Variants in TAOK1 observed in about 807,000 individuals in gnomAD.
The protein encoded by TAOK1 is serine/threonine-protein kinase TAO1.
Under a neutral mutation model 138.3 loss-of-function variants are expected in TAOK1, and 21 were observed. That is an observed-to-expected ratio of 0.15 (90% CI 0.11 to 0.22). The LOEUF (loss-of-function observed/expected upper bound fraction) is 0.22, where lower values mean the gene tolerates loss of function less well. Ranked by LOEUF, TAOK1 falls within the 10% of genes least tolerant of loss-of-function variation. The pLI is 1.00. For synonymous variants in TAOK1, 361 were observed against 398.4 expected (o/e 0.91, Z 1.12); for missense variants, 651 against 1,227.7 (o/e 0.53, Z 7.02).
chr17:29,397,703 A>G (rs1417295855), intron 1 of TAOK1, among the ~76,000 whole-genome samples: 1 of 47,372 alleles, frequency 2.1e-5, no homozygotes, highest in African/African-American at 1.7e-4. Flanking sequence ...TCATGTATGC[A>G]TACATGAATA....
chr17:29,518,590 G>A (rs918564230), intron 16 of TAOK1, among the ~76,000 whole-genome samples: 3 of 152,164 alleles, frequency 2.0e-5, no homozygotes, highest in African/African-American at 7.2e-5. Flanking sequence ...GGGTAGGGAG[G>A]TTGTTCCTGA....
At chr17:29,480,329 A>G (rs760000002) in intron 6 of TAOK1, 39 bp from the exon 7 acceptor site, 3 of 1,438,540 alleles carry the variant, frequency 2.1e-6, no homozygotes, top group Admixed American at 1.8e-5. Context: ...TAATCTATTG[A>G]GGGAAAGTTA....
intron 1 of TAOK1, among the ~76,000 whole-genome samples, chr17:29,441,629 CG>C (rs1263224289): frequency 6.6e-6 from 1 of 152,112 alleles, no homozygotes; most frequent in Non-Finnish European, 1.5e-5. Flanking sequence ...TGGCCAGACA[CG>C]GTGGCTCACA....
intron 19 of TAOK1, among the ~76,000 whole-genome samples, chr17:29,534,669 G>A (rs1395049867): frequency 3.9e-5 from 6 of 152,184 alleles, no homozygotes; most frequent in Non-Finnish European, 1.5e-5. Context: ...AAGAAAGAGA[G>A]CTGCATTAAT....
At chr17:29,395,824 ATTT>A (rs1187461666) in intron 1 of TAOK1, among the ~76,000 whole-genome samples, 1 of 72,102 alleles carries the variant, frequency 1.4e-5, no homozygotes, top group African/African-American at 6.4e-5. Context: ...CGTCTGGCTA[ATTT>A]TTTTTTTTTT....
At chr17:29,528,986 T>A (rs1339181483) in intron 17 of TAOK1, among the ~76,000 whole-genome samples, 3 of 149,758 alleles carry the variant, frequency 2.0e-5, no homozygotes, top group Non-Finnish European at 3.0e-5. Flanking sequence ...TTTTTTTTTT[T>A]AAGAGACCAG....
intron 16 of TAOK1, among the ~76,000 whole-genome samples, chr17:29,520,775 C>T (rs539594404): frequency 1.3e-5 from 2 of 151,538 alleles, no homozygotes; most frequent in African/African-American, 4.8e-5. Flanking sequence ...CCTGTAATCC[C>T]AGCACTTTGG....
At chr17:29,472,064 A>AC (rs1470522714) in intron 3 of TAOK1, among the ~76,000 whole-genome samples, 1 of 151,974 alleles carries the variant, frequency 6.6e-6, no homozygotes, top group Admixed American at 6.6e-5. Context: ...GAAATATTGA[A>AC]CCCCCCAAAG....
chr17:29,494,581 C>G (rs1026022423), intron 10 of TAOK1, among the ~76,000 whole-genome samples: 5 of 152,118 alleles, frequency 3.3e-5, no homozygotes. Flanking sequence ...AATCCCAGCA[C>G]TTTGGGAGGG....
At chr17:29,526,582 T>A (rs1042680550) in intron 17 of TAOK1, among the ~76,000 whole-genome samples, 7 of 151,842 alleles carry the variant, frequency 4.6e-5, no homozygotes, top group Non-Finnish European at 2.9e-5. Flanking sequence ...CCTGGCTGAT[T>A]TTTGTATATT....
Position 29,408,783 on chromosome 17 carries a change from G to A in TAOK1, c.-95+17759G>A, listed in dbSNP as rs547410386. On this transcript the variant is annotated intron_variant, in intron 1 of 19. Transcript: ENST00000261716. ...GCTGGAATGCAGTGGCACAGTCTTCGCTCACTGCAACCTCCACCTCCTGGG... is the reference window on the plus strand; with the variant it reads ...GCTGGAATGCAGTGGCACAGTCTTCACTCACTGCAACCTCCACCTCCTGGG... Among the ~76,000 whole-genome samples, 11 of 151,582 alleles carry A rather than the reference G, an allele frequency of 7.3e-5. No homozygotes were observed. In the East Asian group the frequency reaches 1.2e-3, roughly 16 times the overall value.
rs1161179790 is a variant in TAOK1, at chr17:29,547,565, TTAAGGTATA to T, written c.*4548_*4556del. On this transcript the variant is annotated 3_prime_UTR_variant, in exon 20 of 20. Coordinates refer to ENST00000261716, the MANE Select transcript of TAOK1 (RefSeq NM_020791.4). ...GTATTCAAATCAAAAAATAATATAT[TTAAGGTATA>T]TAAGTGTGAATCTCCTATAATGATG... 1 of 152,074 alleles carries T rather than the reference TTAAGGTATA, an allele frequency of 6.6e-6. No individual in the cohort carries two copies. The highest frequency in any genetic ancestry group is 6.6e-5 in the Admixed American group (1 of 15,250). The allele number at this position is 152,074 out of a possible 1,614,324, so 9.4% of individuals were successfully genotyped here. A position where few individuals can be genotyped will look rare whatever the true frequency, so the allele number is the denominator to read the frequency against.
chr17:29,421,461 A>G (rs1035308948), intron 1 of TAOK1, among the ~76,000 whole-genome samples: 3 of 152,182 alleles, frequency 2.0e-5, no homozygotes, highest in Non-Finnish European at 2.9e-5. Flanking sequence ...AAATGTTTAT[A>G]TGCTGGAAGA....
intron 1 of TAOK1, among the ~76,000 whole-genome samples, chr17:29,407,242 C>T (rs1218465917): frequency 6.6e-6 from 1 of 152,110 alleles, no homozygotes; most frequent in East Asian, 1.9e-4. Flanking sequence ...CTGCTTTGGC[C>T]TCCCAAAGTG....
chr17:29,550,609 A>G lies in TAOK1; in HGVS notation c.*7587A>G, dbSNP rs2032473689. ...GTGAAGATTTAAAAACAAACTTGAG[A>G]TTTTTAACGTAACTATTAACACAGT... On this transcript the variant is annotated 3_prime_UTR_variant, in exon 20 of 20. Transcript: ENST00000261716. 6.6e-6 allele frequency: 1 copy of G among 152,240 alleles called. No individual in the cohort carries two copies. Among genetic ancestry groups the G allele is most frequent in the South Asian group, 2.1e-4 (1 of 4,838 alleles). The allele number at this position is 152,240 out of a possible 1,614,324, so 9.4% of individuals were successfully genotyped here.
intron 4 of TAOK1, 145 bp from the exon 5 acceptor site, chr17:29,477,516 T>A (rs2030971606): frequency 3.6e-6 from 1 of 277,460 alleles, no homozygotes; most frequent in Admixed American, 5.4e-5. Flanking sequence ...GTAATATCTA[T>A]ATAACTATTT....
chr17:29,417,055 CCAGGCGGGAGTG>C (rs552618526), intron 1 of TAOK1, among the ~76,000 whole-genome samples: 19 of 152,132 alleles, frequency 1.2e-4, no homozygotes, highest in African/African-American at 3.6e-4. Context: ...ACTCTGTCGT[CCAGGCGGGAGTG>C]CAGTGGCACT....
chr17:29,415,593 A>T (rs1195820257), intron 1 of TAOK1, among the ~76,000 whole-genome samples: 1 of 152,172 alleles, frequency 6.6e-6, no homozygotes, highest in Non-Finnish European at 1.5e-5. Flanking sequence ...CTGGTGACTA[A>T]TGATGTTGAG....
intron 2 of TAOK1, among the ~76,000 whole-genome samples, chr17:29,462,548 C>T (rs1330184126): frequency 2.6e-5 from 4 of 152,260 alleles, no homozygotes; most frequent in Non-Finnish European, 5.9e-5. Flanking sequence ...TTTCTTGAAA[C>T]GGGATGTAAT....
Sources: allele counts gnomAD v4.1 joint callset (sites outside exome capture counted in the v4.1 genomes callset), GRCh38; gene constraint gnomAD v4.1.1; transcripts MANE v1.5; gene names NCBI Gene and HGNC (gene_info 2026-07-23, HGNC 2026-07-21).